The following ADAMTSL5 variants were observed in gnomAD, a reference collection of about 807,000 sequenced individuals.
ADAMTSL5 encodes the protein ADAMTS-like protein 5.
A neutral mutation model predicts 51.7 loss-of-function variants in ADAMTSL5; 53 were observed. That is an observed-to-expected ratio of 1.03 (90% CI 0.82 to 1.29). ADAMTSL5 has a LOEUF of 1.29. Ranked by LOEUF, ADAMTSL5 falls within the 50% of genes most tolerant of loss-of-function variation. ADAMTSL5 has a pLI of 0.00. For missense variants in ADAMTSL5, 770 were observed against 676.2 expected, an observed-to-expected ratio of 1.14 and a Z score of -1.54; for synonymous variants, 285 against 278.7, an observed-to-expected ratio of 1.02 and a Z score of -0.23.
intron 5 of ADAMTSL5, among the ~76,000 whole-genome samples, chr19:1,509,375 G>A (rs935712059): frequency 3.9e-5 from 6 of 151,944 alleles, no homozygotes; most frequent in East Asian, 3.9e-4. Flanking sequence ...GAGCTGTGTC[G>A]CTGGTCCTCC....
intron 5 of ADAMTSL5, among the ~76,000 whole-genome samples, chr19:1,509,941 G>C (rs1913169912): frequency 6.6e-6 from 1 of 152,180 alleles, no homozygotes; most frequent in Non-Finnish European, 1.5e-5. Context: ...TTAGTTGGGT[G>C]TTCAGCCCTG....
intron 5 of ADAMTSL5, 150 bp from the exon 6 acceptor site, chr19:1,508,720 T>A: frequency 8.6e-7 from 1 of 1,160,594 alleles, no homozygotes. Flanking sequence ...GAGCCAGGAC[T>A]GGACCGTAGG....
Position 1,510,856 on chromosome 19 carries a change from C to T in ADAMTSL5, c.88G>A (p.Val30Ile). Residue 30 changes from valine (V) to isoleucine (I), a missense_variant, in exon 2 of 12, where the codon GTC (valine) becomes ATC (isoleucine). By Grantham distance (29) the Val-to-Ile change is conservative (BLOSUM62 3). Coordinates refer to ENST00000330475, the MANE Select transcript of ADAMTSL5 (RefSeq NM_213604.3). The part of the protein sequence containing the change: ...LWALLNCGLG[V>I]SAQGPGEWTP... ...ATGCCCCCCCTTACCTGAGCACTGA[C>T]CCCCAAACCACAGTTCAGCAGGGCC... 1 of 1,543,418 alleles carries T rather than the reference C, an allele frequency of 6.5e-7. No individual in the cohort carries two copies. The highest frequency in any genetic ancestry group is 8.7e-7 in the Non-Finnish European group (1 of 1,151,966).
chr19:1,510,924 AACAGAGGGGCC>A lies in ADAMTSL5; in HGVS notation c.9_19del (p.Ala4ProfsTer70), dbSNP rs1456848431. 4 of 1,462,180 alleles carry A rather than the reference AACAGAGGGGCC, an allele frequency of 2.7e-6. No homozygotes were observed. In the Admixed American group the frequency reaches 8.7e-5, roughly 32 times the overall value. 90.6% of individuals were successfully genotyped at this position (1,462,180 alleles called of 1,614,324 possible). ...GTTCTGGAAGAGGTGGGGCCTGGGG[AACAGAGGGGCC>A]GAGTCCATAGAGCCACCGCCAGAGA... On this transcript the variant is annotated frameshift_variant, in exon 2 of 12. Coordinates refer to ENST00000330475, the MANE Select transcript of ADAMTSL5 (RefSeq NM_213604.3). LOFTEE classifies it high-confidence loss of function.
At chr19:1,507,181 C>G (rs1387367530) in intron 9 of ADAMTSL5, 61 bp downstream of exon 9, 30 of 1,512,968 alleles carry the variant, frequency 2.0e-5, no homozygotes, top group Non-Finnish European at 1.9e-5. Context: ...CCCTCTGTCC[C>G]CAGCCTCTCC....
chr19:1,506,625 G>C lies in ADAMTSL5; in HGVS notation c.1079C>G (p.Ala360Gly). 1.2e-6 allele frequency: 2 copies of C among 1,611,390 alleles called. No homozygotes were observed. The highest frequency in any genetic ancestry group is 2.2e-5 in the South Asian group (2 of 90,410). The change falls in exon 11 of 12, where the codon GCC (alanine) becomes GGC (glycine). Residue 360 changes from alanine (A) to glycine (G), a missense_variant. Transcript: ENST00000330475. This position sits in a 1 kb window ranked among gnomAD's most constrained non-coding sequence, Gnocchi z 5.6. The part of the protein sequence containing the change: ...CPPCPDTRGR[A>G]HRLLHYCGSD... ...GCCGCAATAGTGGAGTAGTCGGTGGGCGCGGCCGCGGGTGTCAGGGCAGGG... is the reference window on the plus strand; with the variant it reads ...GCCGCAATAGTGGAGTAGTCGGTGGCCGCGGCCGCGGGTGTCAGGGCAGGG...
At chr19:1,509,254 CAAA>C (rs753778097) in intron 5 of ADAMTSL5, among the ~76,000 whole-genome samples, 1 of 49,560 alleles carries the variant, frequency 2.0e-5, no homozygotes. Context: ...GACTCCATCT[CAAA>C]AAAAAAAAAA....
chr19:1,508,759 C>T, intron 5 of ADAMTSL5, 189 bp from the exon 6 acceptor site: 3 of 596,932 alleles, frequency 5.0e-6, no homozygotes, highest in Non-Finnish European at 8.0e-6. Context: ...CTGGGACTCG[C>T]AGGCAAGTAT....
chr19:1,511,633 G>C (rs768531818), intron 1 of ADAMTSL5: 1 of 1,261,526 alleles, frequency 7.9e-7, no homozygotes, highest in Admixed American at 2.3e-5. Flanking sequence ...ACCTTTCCGT[G>C]TGGCCTGAGG....
rs1325678836 is a variant in ADAMTSL5, at chr19:1,508,513, A to T, written c.419T>A (p.Phe140Tyr). 1 of 1,586,702 alleles carries T rather than the reference A, an allele frequency of 6.3e-7. No homozygotes were observed. Among genetic ancestry groups the T allele is most frequent in the African/African-American group, 1.3e-5 (1 of 74,598 alleles). Reference protein sequence around the residue: ...LAEGHAFYHSFGRVLDGTACS... With the variant: ...LAEGHAFYHSYGRVLDGTACS... ...GGCGGTGCCGTCCAGGACGCGGCCG[A>T]AGCTGTGGTAGAAGGCGTGCCCCTC... is the stretch of plus-strand genomic sequence containing the variant. Residue 140 changes from phenylalanine (F) to tyrosine (Y), a missense_variant, in exon 6 of 12, where the codon TTC becomes TAC. Transcript: ENST00000330475.
In ADAMTSL5 at chr19:1,505,778, C is replaced by A. The variant is rs548621116; in HGVS notation, c.*237G>T. 4.3e-6 allele frequency: 2 copies of A among 467,032 alleles called. No individual in the cohort carries two copies. Among genetic ancestry groups the A allele is most frequent in the African/African-American group, 4.1e-5 (2 of 49,162 alleles). 28.9% of individuals were successfully genotyped at this position (467,032 alleles called of 1,614,324 possible). On this transcript the variant is annotated 3_prime_UTR_variant, in exon 12 of 12. Transcript: ENST00000330475. Reference sequence around the variant, plus strand: ...GCTTCCTGGCAGCCAAGGAGAGAGGCGAAATAAAAGTCAGAGTCTCCTTAG... The same window carrying A: ...GCTTCCTGGCAGCCAAGGAGAGAGGAGAAATAAAAGTCAGAGTCTCCTTAG...
At chr19:1,510,474 C>G in intron 3 of ADAMTSL5, 46 bp from the exon 4 acceptor site, 1 of 1,559,276 alleles carries the variant, frequency 6.4e-7, no homozygotes, top group Non-Finnish European at 8.7e-7. Flanking sequence ...GACCCCCTCC[C>G]AGGGCTGGCC....
At chr19:1,510,472 C>G in intron 3 of ADAMTSL5, 44 bp from the exon 4 acceptor site, 1 of 1,563,546 alleles carries the variant, frequency 6.4e-7, no homozygotes, top group Non-Finnish European at 8.6e-7. Flanking sequence ...GGGACCCCCT[C>G]CCAGGGCTGG....
intron 5 of ADAMTSL5, 30 bp downstream of exon 5, chr19:1,510,120 A>G (rs375020930): frequency 8.8e-5 from 138 of 1,566,182 alleles, no homozygotes; most frequent in African/African-American, 5.8e-4. Context: ...CTCTGGACCA[A>G]TTCTGACCAC....
chr19:1,511,425 G>A (rs902507137), intron 1 of ADAMTSL5, among the ~76,000 whole-genome samples: 2 of 152,158 alleles, frequency 1.3e-5, no homozygotes, highest in Non-Finnish European at 2.9e-5. Flanking sequence ...CACCTGCTTT[G>A]GCCTCCCAAA....
Position 1,510,242 on chromosome 19 carries a change from G to A in ADAMTSL5, c.269C>T (p.Ala90Val), listed in dbSNP as rs1913187158. 2 of 1,613,394 alleles carry A rather than the reference G, an allele frequency of 1.2e-6. No homozygotes were observed. The highest frequency in any genetic ancestry group is 8.5e-7 in the Non-Finnish European group (1 of 1,179,900). The change falls in exon 5 of 12, where the codon GCT becomes GTT. Residue 90 changes from alanine (A) to valine (V), a missense_variant. Ala to Val is a moderately conservative substitution (Grantham distance 64). Transcript: ENST00000330475. ...LCQLPDCPPG[A>V]VPFRDLQCAL... ...ACACTGTAGGTCTCGGAAGGGCACA[G>A]CCCCTGGGGGGCAGTCCTAGGGACA...
At chr19:1,511,362 A>G (rs1477940732) in intron 1 of ADAMTSL5, among the ~76,000 whole-genome samples, 2 of 152,122 alleles carry the variant, frequency 1.3e-5, no homozygotes, top group Non-Finnish European at 2.9e-5. Context: ...TAGTGGAGAC[A>G]GGGTTTCACC....
At position 1,510,384 on chromosome 19, in the gene ADAMTSL5, C is replaced by T. The variant is rs758342918; in HGVS notation, c.236G>A (p.Arg79His). 10 of 1,613,390 alleles carry T rather than the reference C, an allele frequency of 6.2e-6. No individual in the cohort carries two copies. Among genetic ancestry groups the T allele is most frequent in the South Asian group, 5.5e-5 (5 of 91,042 alleles). ...EPCWGDSHEY[R>H]LCQLPDCPPG... ...AGGGCTTACTGGCAACTGGCAGAGG[C>T]GGTACTCATGGGAGTCTCCCCAGCA... Residue 79 changes from arginine to histidine, a missense_variant, in exon 4 of 12, where the codon CGC becomes CAC. Coordinates refer to ENST00000330475, the MANE Select transcript of ADAMTSL5 (RefSeq NM_213604.3).
At chr19:1,509,888 GTT>G (rs1913168255) in intron 5 of ADAMTSL5, among the ~76,000 whole-genome samples, 1 of 152,150 alleles carries the variant, frequency 6.6e-6, no homozygotes, top group African/African-American at 2.4e-5. Flanking sequence ...ACTGGGATAA[GTT>G]TGAGAAGTGT....
Sources: gnomAD v4.1 joint callset for allele counts (sites outside exome capture counted in the v4.1 genomes callset) on GRCh38, gnomAD v4.1.1 for gene constraint, Gnocchi (gnomAD v3.1) non-coding constraint, MANE v1.5 for transcripts, NCBI Gene and HGNC (gene_info 2026-07-23, HGNC 2026-07-21) for gene names.